The following MAGI2 variants were observed in gnomAD, a reference collection of about 807,000 sequenced individuals.
MAGI2 encodes the protein membrane associated guanylate kinase, WW and PDZ domain containing 2.
MAGI2 carries 35 observed loss-of-function variants against 133.3 expected under a neutral mutation model. The observed-to-expected ratio is 0.26, with a 90% CI of 0.20 to 0.35. The LOEUF is 0.35. MAGI2 is among the 10% of genes least tolerant of loss of function. The pLI is 1.00. For missense variants in MAGI2, 1,636 were observed against 1,863.4 expected (o/e 0.88, Z 2.25); for synonymous variants, 729 against 710.6 (o/e 1.03, Z -0.41).
chr7:78,043,694 C>T (rs1384967426), intron 21 of MAGI2, among the ~76,000 whole-genome samples: 3 of 152,158 alleles, frequency 2.0e-5, no homozygotes, highest in Admixed American at 1.3e-4. Flanking sequence ...CTTTTCACAT[C>T]GTCGTTTGCT....
chr7:78,426,153 G>A (rs1046068098), intron 6 of MAGI2, among the ~76,000 whole-genome samples: 3 of 152,056 alleles, frequency 2.0e-5, no homozygotes, highest in Admixed American at 1.3e-4. Flanking sequence ...AGGAACAAAT[G>A]TAATTCAGAA....
At chr7:78,682,353 C>T (rs1398931956) in intron 2 of MAGI2, among the ~76,000 whole-genome samples, 2 of 152,060 alleles carry the variant, frequency 1.3e-5, no homozygotes, top group Non-Finnish European at 1.5e-5. Flanking sequence ...AGGTATTTCT[C>T]CTAATGCTAT....
At chr7:79,239,882 T>C (rs1832250490) in intron 1 of MAGI2, among the ~76,000 whole-genome samples, 1 of 152,176 alleles carries the variant, frequency 6.6e-6, no homozygotes, top group Admixed American at 6.5e-5. Context: ...TGGCCCTCCT[T>C]GTGGATAAAA....
intron 1 of MAGI2, among the ~76,000 whole-genome samples, chr7:79,054,027 C>T (rs1812916814): frequency 6.6e-6 from 1 of 151,956 alleles, no homozygotes; most frequent in African/African-American, 2.4e-5. Context: ...TGAAACCCGC[C>T]TCTAGTAAAA....
intron 2 of MAGI2, among the ~76,000 whole-genome samples, chr7:78,856,935 T>G (rs1221804562): frequency 6.6e-6 from 1 of 152,174 alleles, no homozygotes. Context: ...TGTTGAGCAG[T>G]GGTTTGTAGT....
chr7:79,306,973 C>T lies in MAGI2; in HGVS notation c.301+146047G>A, dbSNP rs145996272. ...GGATTACAGGCGACCGCCACCACAC[C>T]CGGCTAATTTCTTTTTCTTTTTCTT... On this transcript the variant is annotated intron_variant, in intron 1 of 21. Transcript: ENST00000354212. 6.7e-3 allele frequency among the ~76,000 whole-genome samples: 1,015 copies of T among 152,192 alleles called. 6 individuals are homozygous for T. The highest frequency in any genetic ancestry group is 0.023 in the African/African-American group (962 of 41,542).
At chr7:79,015,766 C>A (rs979165893) in intron 1 of MAGI2, among the ~76,000 whole-genome samples, 3 of 152,006 alleles carry the variant, frequency 2.0e-5, no homozygotes, top group Admixed American at 6.6e-5. Context: ...ATTCATTAGG[C>A]AACTGAAATG....
chr7:78,576,554 A>C (rs1802288595), intron 3 of MAGI2, among the ~76,000 whole-genome samples: 1 of 147,472 alleles, frequency 6.8e-6, no homozygotes, highest in South Asian at 2.1e-4. Flanking sequence ...GAAAGGTCAC[A>C]TTCTGACCTA....
intron 6 of MAGI2, among the ~76,000 whole-genome samples, chr7:78,451,782 T>C (rs1313697638): frequency 6.6e-6 from 1 of 152,120 alleles, no homozygotes; most frequent in Non-Finnish European, 1.5e-5. Context: ...AAAGCTTCTT[T>C]CCTGGATCAG....
intron 9 of MAGI2, among the ~76,000 whole-genome samples, chr7:78,318,824 T>C (rs1787697355): frequency 6.6e-6 from 1 of 151,830 alleles, no homozygotes; most frequent in Non-Finnish European, 1.5e-5. Context: ...TTCAACATTC[T>C]TAAAAGAATT....
chr7:78,938,979 T>G (rs1370200174), intron 2 of MAGI2, among the ~76,000 whole-genome samples: 1 of 152,070 alleles, frequency 6.6e-6, no homozygotes, highest in South Asian at 2.1e-4. Context: ...TTCATTAAGA[T>G]CCCCACATAT....
chr7:78,394,541 C>T (rs1796175248), intron 6 of MAGI2, among the ~76,000 whole-genome samples: 1 of 152,166 alleles, frequency 6.6e-6, no homozygotes, highest in Non-Finnish European at 1.5e-5. Flanking sequence ...TCTCACCCCC[C>T]TCTCCCATCT....
chr7:78,046,410 AC>A lies in MAGI2; in HGVS notation c.3707-26435del, dbSNP rs199760096. On this transcript the variant is annotated intron_variant, in intron 21 of 21. Transcript: ENST00000354212. ...GAGCGAGACTCTGTCTCAAAAAAAAACAAAAAAAAAACAAAGGAATGTGTCC... is the reference window on the plus strand; with the variant it reads ...GAGCGAGACTCTGTCTCAAAAAAAAAAAAAAAAAAACAAAGGAATGTGTCC... Among the ~76,000 whole-genome samples the A allele has an allele frequency of 6.7e-3, 898 of 133,894 alleles. 12 individuals carry two copies. Among genetic ancestry groups the A allele is most frequent in the African/African-American group, 0.026 (823 of 32,150 alleles). 87.8% of individuals were successfully genotyped at this position (133,894 alleles called of 152,430 possible).
At chr7:78,696,336 ATGT>A (rs1467009209) in intron 2 of MAGI2, among the ~76,000 whole-genome samples, 2 of 152,186 alleles carry the variant, frequency 1.3e-5, no homozygotes, top group Admixed American at 6.5e-5. Flanking sequence ...AACTGAATTA[ATGT>A]TGTTCATCTT....
At chr7:79,316,109 T>TG (rs1695338735) in intron 1 of MAGI2, among the ~76,000 whole-genome samples, 1 of 151,884 alleles carries the variant, frequency 6.6e-6, no homozygotes, top group African/African-American at 2.4e-5. Flanking sequence ...TCAAAAAGGA[T>TG]GGGGGGCCAG....
At chr7:79,448,676 C>T (rs1849026768) in intron 1 of MAGI2, among the ~76,000 whole-genome samples, 1 of 152,004 alleles carries the variant, frequency 6.6e-6, no homozygotes, top group African/African-American at 2.4e-5. Context: ...ATGATTCTGC[C>T]AGGGTCTGTA....
rs1563002030 is a variant in MAGI2, at chr7:78,017,131, A to G, written c.*2184T>C. ...TTTAGAATATCATACAGTAAACAAGATTTCTGTAAAAGTTAATTTATCCAT... is the reference window on the plus strand; with the variant it reads ...TTTAGAATATCATACAGTAAACAAGGTTTCTGTAAAAGTTAATTTATCCAT... On this transcript the variant is annotated 3_prime_UTR_variant, in exon 22 of 22. Coordinates refer to ENST00000354212, the MANE Select transcript of MAGI2 (RefSeq NM_012301.4). The G allele has an allele frequency of 2.0e-5, 3 of 152,666 alleles. No individual in the cohort carries two copies. Among genetic ancestry groups the G allele is most frequent in the Admixed American group, 2.0e-4 (3 of 15,290 alleles). 9.5% of individuals were successfully genotyped at this position (152,666 alleles called of 1,614,324 possible). A position where few individuals can be genotyped will look rare whatever the true frequency, so the allele number is the denominator to read the frequency against.
chr7:78,571,628 A>G (rs1469156931), intron 3 of MAGI2, among the ~76,000 whole-genome samples: 1 of 152,202 alleles, frequency 6.6e-6, no homozygotes, highest in Non-Finnish European at 1.5e-5. Flanking sequence ...CTGACATTCA[A>G]CAGATTTTAT....
chr7:78,547,939 C>T (rs1799003737), intron 3 of MAGI2, among the ~76,000 whole-genome samples: 1 of 152,176 alleles, frequency 6.6e-6, no homozygotes, highest in South Asian at 2.1e-4. Flanking sequence ...CTGGTGAGTA[C>T]AGTTTGCCTT....
Sources: allele counts gnomAD v4.1 joint callset (sites outside exome capture counted in the v4.1 genomes callset), GRCh38; gene constraint gnomAD v4.1.1; transcripts MANE v1.5; gene names NCBI Gene and HGNC (gene_info 2026-07-23, HGNC 2026-07-21).